The following JMJD1C variants were observed in gnomAD, a reference collection of about 807,000 sequenced individuals.
JMJD1C encodes jumonji domain containing 1C.
Under a neutral mutation model 245.3 loss-of-function variants are expected in JMJD1C, and 31 were observed. The observed-to-expected ratio is 0.13, with a 90% confidence interval of 0.09 to 0.17. JMJD1C has a LOEUF of 0.17. JMJD1C is among the 10% of genes least tolerant of loss of function. The pLI, the probability that JMJD1C is intolerant of heterozygous loss-of-function variation, is 1.00. For missense variants in JMJD1C, 2,691 were observed against 3,000.2 expected, an observed-to-expected ratio of 0.90 and a Z score of 2.41; for synonymous variants, 1,057 against 1,017.4, an observed-to-expected ratio of 1.04 and a Z score of -0.74.
intron 3 of JMJD1C, among the ~76,000 whole-genome samples, chr10:63,262,707 T>C (rs1159261453): frequency 6.6e-6 from 1 of 152,192 alleles, no homozygotes; most frequent in Non-Finnish European, 1.5e-5. Context: ...ACTTAGTATA[T>C]ACACTAGCAG....
chr10:63,353,142 C>A (rs1944505558), intron 2 of JMJD1C, among the ~76,000 whole-genome samples: 1 of 152,126 alleles, frequency 6.6e-6, no homozygotes. Flanking sequence ...GTGTAGACAG[C>A]CCTTTCATGA....
At chr10:63,411,331 C>T (rs1949462420) in intron 1 of JMJD1C, among the ~76,000 whole-genome samples, 1 of 137,920 alleles carries the variant, frequency 7.3e-6, no homozygotes, top group Non-Finnish European at 1.5e-5. Context: ...CGGAGTCTCG[C>T]TCTTGTCACC....
chr10:63,381,895 G>T (rs1044410035), intron 1 of JMJD1C, among the ~76,000 whole-genome samples: 52 of 152,090 alleles, frequency 3.4e-4, no homozygotes, highest in Admixed American at 3.3e-3. Flanking sequence ...ACTCTAGAAG[G>T]AGAGGTTAGA....
intron 1 of JMJD1C, among the ~76,000 whole-genome samples, chr10:63,401,670 G>C (rs1443542069): frequency 2.6e-5 from 4 of 152,078 alleles, no homozygotes; most frequent in Admixed American, 2.6e-4. Context: ...GCATTATGAA[G>C]CTTTGGGGAT....
chr10:63,371,145 A>ATTTTTT, intron 2 of JMJD1C, among the ~76,000 whole-genome samples: 1 of 142,770 alleles, frequency 7.0e-6, no homozygotes, highest in Non-Finnish European at 1.5e-5. Flanking sequence ...CAATAGGCTA[A>ATTTTTT]TTTTTTTTTT....
At chr10:63,468,817 T>C (rs1280187191), upstream of JMJD1C, among the ~76,000 whole-genome samples, 2 of 152,212 alleles carry the variant, frequency 1.3e-5, no homozygotes, top group Admixed American at 1.3e-4. Context: ...CAAAAATTTA[T>C]TCATAAAAAC....
intron 15 of JMJD1C, 61 bp downstream of exon 15, chr10:63,193,284 A>G: frequency 1.3e-6 from 2 of 1,516,584 alleles, no homozygotes; most frequent in Non-Finnish European, 8.9e-7. Context: ...TTTCAAATAA[A>G]TATCAAAGTT....
chr10:63,178,890 T>C (rs1314726821), intron 22 of JMJD1C, among the ~76,000 whole-genome samples: 1 of 152,228 alleles, frequency 6.6e-6, no homozygotes, highest in Non-Finnish European at 1.5e-5. Context: ...TAAATATTCT[T>C]TTTAAAAATT....
At chr10:63,243,102 ATTAT>A in intron 3 of JMJD1C, among the ~76,000 whole-genome samples, 1 of 64,636 alleles carries the variant, frequency 1.5e-5, no homozygotes, top group Non-Finnish European at 3.0e-5. Context: ...ACTAACATAA[ATTAT>A]ATATATATAT....
chr10:63,212,855 CATAATT>C (rs1210418607), intron 8 of JMJD1C, among the ~76,000 whole-genome samples: 6 of 150,452 alleles, frequency 4.0e-5, no homozygotes, highest in African/African-American at 1.2e-4. Context: ...ATAATTATTG[CATAATT>C]ATAATTATGT....
chr10:63,373,943 T>C (rs938825242), intron 2 of JMJD1C, among the ~76,000 whole-genome samples: 1 of 152,176 alleles, frequency 6.6e-6, no homozygotes, highest in Non-Finnish European at 1.5e-5. Flanking sequence ...TCTTAATTAT[T>C]ACAAACAAGC....
chr10:63,399,001 G>T (rs1432456448), intron 1 of JMJD1C, among the ~76,000 whole-genome samples: 3 of 128,054 alleles, frequency 2.3e-5, no homozygotes, highest in African/African-American at 7.9e-5. Context: ...CTTCTTGGAG[G>T]TTGTTTCTAA....
At chr10:63,362,112 G>A (rs989917299) in intron 2 of JMJD1C, among the ~76,000 whole-genome samples, 4 of 151,868 alleles carry the variant, frequency 2.6e-5, no homozygotes, top group Admixed American at 6.6e-5. Context: ...GCACATGTCT[G>A]TAATCCCAGC....
chr10:63,277,580 T>G (rs563463776), intron 2 of JMJD1C, among the ~76,000 whole-genome samples: 3 of 152,012 alleles, frequency 2.0e-5, no homozygotes, highest in Non-Finnish European at 4.4e-5. Context: ...CAAAAAAAGA[T>G]ATTTTGGGGA....
At chr10:63,383,534 A>G (rs953900490) in intron 1 of JMJD1C, among the ~76,000 whole-genome samples, 15 of 152,054 alleles carry the variant, frequency 9.9e-5, no homozygotes, top group African/African-American at 3.6e-4. Flanking sequence ...CCTTGTCTCT[A>G]CAAAAAATGA....
intron 3 of JMJD1C, among the ~76,000 whole-genome samples, chr10:63,252,500 G>A (rs1853227548): frequency 6.6e-6 from 1 of 152,170 alleles, no homozygotes. Context: ...GCAGCAGCAA[G>A]TCTTGCCTGA....
intron 10 of JMJD1C, chr10:63,202,619 G>A (rs1846154729): frequency 2.0e-6 from 2 of 985,358 alleles, no homozygotes; most frequent in Non-Finnish European, 2.4e-6. Flanking sequence ...TCCCCTCTCT[G>A]TCTCTAACTT....
At chr10:63,344,186 G>A (rs899468329) in intron 2 of JMJD1C, among the ~76,000 whole-genome samples, 1 of 152,152 alleles carries the variant, frequency 6.6e-6, no homozygotes, top group Admixed American at 6.5e-5. Context: ...AGTCTTGCAA[G>A]CTCCATTCAT....
At chr10:63,238,042 A>G (rs1589246788) in intron 3 of JMJD1C, among the ~76,000 whole-genome samples, 1 of 137,552 alleles carries the variant, frequency 7.3e-6, no homozygotes. Flanking sequence ...AAAGCCGGGT[A>G]TGGAGGCAGG....
Sources: gnomAD v4.1 joint callset for allele counts (sites outside exome capture counted in the v4.1 genomes callset) on GRCh38, gnomAD v4.1.1 for gene constraint, MANE v1.5 for transcripts, NCBI Gene and HGNC (gene_info 2026-07-23, HGNC 2026-07-21) for gene names.